Variants in SQOR observed in about 807,000 individuals in gnomAD.
The protein encoded by SQOR is sulfide:quinone oxidoreductase, mitochondrial.
A neutral mutation model predicts 48.6 loss-of-function variants in SQOR; 39 were observed. The observed-to-expected ratio is 0.80, with a 90% CI of 0.62 to 1.05. The LOEUF is 1.05. Ranked by LOEUF, SQOR falls within the 50% of genes least tolerant of loss-of-function variation. The probability of loss-of-function intolerance (pLI) is 0.00; values close to 1 mark genes in which losing one functional copy is unlikely to be tolerated. For synonymous variants in SQOR, 220 were observed against 206.2 expected (o/e 1.07, Z -0.57); for missense variants, 561 against 559.9 (o/e 1.00, Z -0.02).
intron 1 of SQOR, among the ~76,000 whole-genome samples, chr15:45,656,609 A>G (rs1337585371): frequency 1.3e-5 from 2 of 152,030 alleles, no homozygotes; most frequent in Non-Finnish European, 2.9e-5. Context: ...ATGTATGTGT[A>G]TAGTAGAGAC....
chr15:45,670,779 T>G (rs1889925352), intron 4 of SQOR, among the ~76,000 whole-genome samples: 1 of 152,190 alleles, frequency 6.6e-6, no homozygotes, highest in African/African-American at 2.4e-5. Flanking sequence ...TCTTGGGTTG[T>G]GTTGTGGGAA....
intron 1 of SQOR, among the ~76,000 whole-genome samples, chr15:45,649,812 G>GA (rs1237596574): frequency 1.3e-5 from 2 of 151,078 alleles, no homozygotes; most frequent in Admixed American, 1.3e-4. Flanking sequence ...GGGGTAAGGG[G>GA]AAATGAGAAG....
chr15:45,641,203 C>T (rs1785941953), intron 1 of SQOR, among the ~76,000 whole-genome samples: 1 of 152,136 alleles, frequency 6.6e-6, no homozygotes, highest in African/African-American at 2.4e-5. Flanking sequence ...GTGAAATTGT[C>T]AGTTCTCTTG....
chr15:45,640,106 G>A (rs1406443224), intron 1 of SQOR, among the ~76,000 whole-genome samples: 1 of 152,176 alleles, frequency 6.6e-6, no homozygotes, highest in African/African-American at 2.4e-5. Flanking sequence ...GGGGACTTGC[G>A]GGGAGAGATT....
At chr15:45,673,509 T>A (rs1394075014) in intron 4 of SQOR, 98 bp from the exon 5 acceptor site, 3 of 1,316,012 alleles carry the variant, frequency 2.3e-6, no homozygotes, top group Non-Finnish European at 3.2e-6. Context: ...GTAATGATAG[T>A]ACTGAAATAT....
intron 4 of SQOR, among the ~76,000 whole-genome samples, chr15:45,673,176 C>A (rs1416563982): frequency 6.6e-6 from 1 of 152,102 alleles, no homozygotes. Context: ...GGCTTTAGTG[C>A]CTTTATCTAG....
At chr15:45,659,528 G>A (rs1889683283) in intron 2 of SQOR, among the ~76,000 whole-genome samples, 1 of 152,196 alleles carries the variant, frequency 6.6e-6, no homozygotes, top group African/African-American at 2.4e-5. Context: ...CAGCCTGGGT[G>A]AGAGGGATGG....
At chr15:45,639,121 G>A (rs753860115) in intron 1 of SQOR, among the ~76,000 whole-genome samples, 1 of 152,178 alleles carries the variant, frequency 6.6e-6, no homozygotes, top group Admixed American at 6.5e-5. Context: ...TCATGATCCC[G>A]ACATGTCCAT....
chr15:45,691,268 A>G lies in SQOR; in HGVS notation c.*238A>G. 1 of 497,068 alleles carries G rather than the reference A, an allele frequency of 2.0e-6. No individual in the cohort carries two copies. Among genetic ancestry groups the G allele is most frequent in the Non-Finnish European group, 3.6e-6 (1 of 281,196 alleles). The allele number at this position is 497,068 out of a possible 1,614,324, so 30.8% of individuals were successfully genotyped here. A position where few individuals can be genotyped will look rare whatever the true frequency, so the allele number is the denominator to read the frequency against. ...AATAATACTTTTATTTTCTGAATAA[A>G]AGTTTGTCACTGATTGTGTTCTATG... On this transcript the variant is annotated 3_prime_UTR_variant, in exon 10 of 10. Transcript: ENST00000260324.
At chr15:45,632,099 A>G (rs1226568277), upstream of SQOR, 1 of 152,184 alleles carries the variant, frequency 6.6e-6, no homozygotes, top group Non-Finnish European at 1.5e-5. Flanking sequence ...TCTCTTTTGC[A>G]TTGGAAGGAG....
intron 6 of SQOR, among the ~76,000 whole-genome samples, chr15:45,680,054 A>G (rs1435145934): frequency 6.6e-6 from 1 of 152,158 alleles, no homozygotes; most frequent in African/African-American, 2.4e-5. Flanking sequence ...ACAAGCTACA[A>G]CTAAGTGCCA....
intron 7 of SQOR, among the ~76,000 whole-genome samples, chr15:45,683,998 G>A (rs150552579): frequency 1.3e-4 from 20 of 152,058 alleles, no homozygotes; most frequent in African/African-American, 4.6e-4. Flanking sequence ...TGCAACCTCT[G>A]TCTCCCAGGT....
At chr15:45,663,774 AT>A (rs1889763008) in intron 3 of SQOR, among the ~76,000 whole-genome samples, 1 of 152,258 alleles carries the variant, frequency 6.6e-6, no homozygotes, top group African/African-American at 2.4e-5. Flanking sequence ...AAATAAAAAA[AT>A]AAAAAAAACA....
At chr15:45,649,262 G>A (rs1889414273) in intron 1 of SQOR, among the ~76,000 whole-genome samples, 1 of 152,136 alleles carries the variant, frequency 6.6e-6, no homozygotes, top group African/African-American at 2.4e-5. Flanking sequence ...TGCCCAGTCC[G>A]CTGTCTTATC....
At chr15:45,680,266 T>C (rs1398386460) in intron 6 of SQOR, among the ~76,000 whole-genome samples, 1 of 152,116 alleles carries the variant, frequency 6.6e-6, no homozygotes, top group Non-Finnish European at 1.5e-5. Context: ...GGGTAATTTT[T>C]GTATTTTTTT....
At chr15:45,666,260 T>A (rs947058399) in intron 3 of SQOR, among the ~76,000 whole-genome samples, 1 of 152,200 alleles carries the variant, frequency 6.6e-6, no homozygotes, top group African/African-American at 2.4e-5. Flanking sequence ...AGGTTATCCC[T>A]TGATGTGCTA....
At chr15:45,667,703 A>G (rs1349472811) in intron 3 of SQOR, among the ~76,000 whole-genome samples, 1 of 152,170 alleles carries the variant, frequency 6.6e-6, no homozygotes, top group Non-Finnish European at 1.5e-5. Context: ...AAAATAGAGC[A>G]TAATCAATAT....
rs1051505091 is a variant in SQOR at position 45,688,490 on chromosome 15, C to CTGTCT, written c.1116+88_1116+92dup. The CTGTCT allele has an allele frequency of 1.0e-5, 10 of 961,288 alleles. No individual in the cohort carries two copies. The African/African-American group carries it at 1.7e-4, about 17-fold the overall frequency. 59.5% of individuals were successfully genotyped at this position (961,288 alleles called of 1,614,324 possible). The stretch of plus-strand genomic sequence containing the variant: ...GTGTTTTCCCACAATTTTGCACTTT[C>CTGTCT]TGTCTTTTCTTTTTTTCTGTTTTTC... On this transcript the variant is annotated intron_variant, in intron 8 of 9. Coordinates refer to ENST00000260324, the MANE Select transcript of SQOR (RefSeq NM_021199.4).
At chr15:45,637,481 G>A (rs1895025119) in intron 1 of SQOR, among the ~76,000 whole-genome samples, 1 of 152,172 alleles carries the variant, frequency 6.6e-6, no homozygotes, top group Admixed American at 6.5e-5. Flanking sequence ...GAATGAATAA[G>A]TGGGTCAGAA....
Sources: allele counts gnomAD v4.1 joint callset (sites outside exome capture counted in the v4.1 genomes callset), GRCh38; gene constraint gnomAD v4.1.1; transcripts MANE v1.5; gene names NCBI Gene and HGNC (gene_info 2026-07-23, HGNC 2026-07-21).